Variants in CLNK observed in about 807,000 individuals in gnomAD.
CLNK encodes cytokine-dependent hematopoietic cell linker.
Under a neutral mutation model 68.6 loss-of-function variants are expected in CLNK, and 74 were observed. That is an observed-to-expected ratio of 1.08 (90% CI 0.89 to 1.31). CLNK has a LOEUF of 1.31. CLNK is among the 50% of genes most tolerant of loss of function. The pLI is 0.00. For synonymous variants in CLNK, 198 were observed against 172.2 expected (o/e 1.15, Z -1.17); for missense variants, 553 against 515.3 (o/e 1.07, Z -0.71).
intron 1 of CLNK, among the ~76,000 whole-genome samples, chr4:10,678,162 G>A (rs1409349440): frequency 6.6e-6 from 1 of 152,158 alleles, no homozygotes; most frequent in Non-Finnish European, 1.5e-5. Context: ...TATCTAGCAA[G>A]ATGGGAGACA....
intron 8 of CLNK, among the ~76,000 whole-genome samples, chr4:10,544,582 G>A (rs902233791): frequency 2.0e-5 from 3 of 152,166 alleles, no homozygotes; most frequent in Non-Finnish European, 2.9e-5. Flanking sequence ...GTCTGAGGAG[G>A]CATCTGTGGT....
chr4:10,589,935 A>G (rs542779310), intron 3 of CLNK, among the ~76,000 whole-genome samples: 68 of 152,236 alleles, frequency 4.5e-4, no homozygotes, highest in Admixed American at 1.2e-3. Context: ...AACAGCATCC[A>G]TAACATGGCC....
At chr4:10,715,148 G>T in the CLNK span, among the ~76,000 whole-genome samples, 1 of 152,014 alleles carries the variant, frequency 6.6e-6, no homozygotes, top group Admixed American at 6.5e-5. Context: ...TTTCAGGTCC[G>T]TGCTATTTAA....
intron 8 of CLNK, among the ~76,000 whole-genome samples, chr4:10,548,202 T>C (rs74820346): frequency 0.016 from 2,486 of 152,268 alleles, 83 homozygotes; most frequent in African/African-American, 0.057. Context: ...TCCTAAGAGG[T>C]GTGAGGTGAT....
At chr4:10,655,738 C>T (rs1723949888) in intron 2 of CLNK, among the ~76,000 whole-genome samples, 1 of 145,426 alleles carries the variant, frequency 6.9e-6, no homozygotes, top group Admixed American at 7.2e-5. Context: ...CAAGCTCAGC[C>T]TCCCGGGTTC....
At chr4:10,643,487 T>A (rs562537322) in intron 2 of CLNK, among the ~76,000 whole-genome samples, 1 of 152,376 alleles carries the variant, frequency 6.6e-6, no homozygotes, top group Admixed American at 6.5e-5. Flanking sequence ...TTCTTTTGCC[T>A]GCTGCTTCTA....
chr4:10,535,213 G>GAGAAAGAAAGAAAGAAAGAAAGAA (rs57053319), intron 11 of CLNK, among the ~76,000 whole-genome samples: 2,455 of 131,292 alleles, frequency 0.019, 57 homozygotes, highest in East Asian at 0.041. Flanking sequence ...AAGAAAGAAA[G>GAGAAAGAAAGAAAGAAAGAAAGAA]AGAAAGAAAG....
intron 12 of CLNK, among the ~76,000 whole-genome samples, chr4:10,529,679 C>T (rs926010620): frequency 1.3e-4 from 20 of 152,282 alleles, no homozygotes; most frequent in Middle Eastern, 3.4e-3. Context: ...GAGTCTCCCC[C>T]AGGACTTTGA....
intron 7 of CLNK, among the ~76,000 whole-genome samples, chr4:10,559,974 T>C (rs1469836648): frequency 1.3e-5 from 2 of 152,034 alleles, no homozygotes; most frequent in Non-Finnish European, 2.9e-5. Flanking sequence ...TAGAACTCAG[T>C]TGTGACAACC....
At chr4:10,557,362 T>C (rs911054987) in intron 8 of CLNK, among the ~76,000 whole-genome samples, 2 of 152,132 alleles carry the variant, frequency 1.3e-5, no homozygotes, top group African/African-American at 4.8e-5. Flanking sequence ...GGTTTAGCCA[T>C]TGGGAAGCCC....
chr4:10,637,515 A>G (rs1723138084), intron 2 of CLNK, among the ~76,000 whole-genome samples: 1 of 148,482 alleles, frequency 6.7e-6, no homozygotes, highest in Non-Finnish European at 1.5e-5. Context: ...GGAGCAAAAC[A>G]TTAGAATCAC....
chr4:10,634,144 A>G (rs1722992603), intron 2 of CLNK, among the ~76,000 whole-genome samples: 2 of 152,220 alleles, frequency 1.3e-5, no homozygotes. Flanking sequence ...GCCAGAGCTC[A>G]GAGAAGAGAA....
chr4:10,714,709 T>TGC, the CLNK span, among the ~76,000 whole-genome samples: 2 of 145,562 alleles, frequency 1.4e-5, no homozygotes, highest in Non-Finnish European at 3.1e-5. Flanking sequence ...TGTGTGTGTG[T>TGC]GTGCGTGTGA....
chr4:10,645,315 T>C (rs975901985), intron 2 of CLNK, among the ~76,000 whole-genome samples: 2 of 152,192 alleles, frequency 1.3e-5, no homozygotes, highest in South Asian at 2.1e-4. Flanking sequence ...CCCCAGAGTC[T>C]AGTCATTGCC....
At chr4:10,665,086 CAGAT>C (rs1724337625) in intron 2 of CLNK, among the ~76,000 whole-genome samples, 1 of 152,130 alleles carries the variant, frequency 6.6e-6, no homozygotes, top group South Asian at 2.1e-4. Context: ...GTTGAGGTGT[CAGAT>C]AGTCAAGTGT....
chr4:10,692,753 T>C, the CLNK span, among the ~76,000 whole-genome samples: 2 of 152,194 alleles, frequency 1.3e-5, no homozygotes, highest in Non-Finnish European at 2.9e-5. Context: ...AAAGGAATGA[T>C]AAAACCTCCG....
At chr4:10,521,376 A>C (rs1425243875) in intron 14 of CLNK, among the ~76,000 whole-genome samples, 1 of 152,268 alleles carries the variant, frequency 6.6e-6, no homozygotes, top group African/African-American at 2.4e-5. Context: ...AAATACAAAA[A>C]TGATATTATC....
At chr4:10,718,067 C>G in the CLNK span, among the ~76,000 whole-genome samples, 1 of 151,838 alleles carries the variant, frequency 6.6e-6, no homozygotes, top group Non-Finnish European at 1.5e-5. Context: ...ATACAATAAC[C>G]AAAATTAAAA....
chr4:10,700,344 C>T, the CLNK span, among the ~76,000 whole-genome samples: 5 of 152,144 alleles, frequency 3.3e-5, no homozygotes, highest in East Asian at 9.6e-4. Flanking sequence ...GCAGGAGGAA[C>T]GTGAACCTTG....
Sources: allele counts gnomAD v4.1 joint callset (sites outside exome capture counted in the v4.1 genomes callset), GRCh38; gene constraint gnomAD v4.1.1; transcripts MANE v1.5; gene names NCBI Gene and HGNC (gene_info 2026-07-23, HGNC 2026-07-21).